Variants in CUBN observed in about 807,000 individuals in gnomAD.
The protein encoded by CUBN is 460 kDa receptor.
CUBN carries 282 observed loss-of-function variants against 405.3 expected under a neutral mutation model. The observed-to-expected ratio is 0.70, with a 90% confidence interval of 0.63 to 0.77. CUBN has a LOEUF of 0.77. CUBN is among the 30% of genes least tolerant of loss of function. The pLI is 0.00. For synonymous variants in CUBN, 1,684 were observed against 1,617.0 expected (o/e 1.04, Z -0.99); for missense variants, 4,514 against 4,475.2 (o/e 1.01, Z -0.25).
chr10:17,008,640 T>C (rs551339418), intron 28 of CUBN, among the ~76,000 whole-genome samples: 2 of 152,014 alleles, frequency 1.3e-5, no homozygotes, highest in Non-Finnish European at 2.9e-5. Flanking sequence ...CCTAGTTAAC[T>C]CCTGCTTATT....
chr10:16,917,542 T>G (rs1220806614), intron 45 of CUBN, among the ~76,000 whole-genome samples: 3 of 152,178 alleles, frequency 2.0e-5, no homozygotes, highest in Non-Finnish European at 4.4e-5. Context: ...TTTTTGGGCC[T>G]CTGTTTACCA....
At chr10:16,889,141 A>G (rs1840915842) in intron 55 of CUBN, among the ~76,000 whole-genome samples, 1 of 152,180 alleles carries the variant, frequency 6.6e-6, no homozygotes, top group Admixed American at 6.5e-5. Context: ...TTTTCATATA[A>G]CCATTGACTA....
intron 56 of CUBN, among the ~76,000 whole-genome samples, chr10:16,887,088 T>C (rs1340352949): frequency 6.6e-6 from 1 of 152,240 alleles, no homozygotes; most frequent in Admixed American, 6.5e-5. Context: ...GTGCCCAGCC[T>C]ATATTAATTT....
At chr10:16,870,394 C>T (rs78328490) in intron 58 of CUBN, among the ~76,000 whole-genome samples, 2,159 of 152,240 alleles carry the variant, frequency 0.014, 43 homozygotes, top group African/African-American at 0.049. Flanking sequence ...AGGTGAAGAA[C>T]AGGAAATTTA....
At chr10:17,077,745 A>T (rs1383083088) in intron 17 of CUBN, among the ~76,000 whole-genome samples, 1 of 152,108 alleles carries the variant, frequency 6.6e-6, no homozygotes, top group East Asian at 1.9e-4. Flanking sequence ...GCAGGAGAGG[A>T]ATGAGGCCCT....
intron 39 of CUBN, among the ~76,000 whole-genome samples, chr10:16,937,065 C>A (rs1169487179): frequency 3.3e-5 from 5 of 152,024 alleles, no homozygotes; most frequent in Admixed American, 6.6e-5. Context: ...AATGCTAGCT[C>A]AATATCACTT....
chr10:16,892,390 C>T (rs1841057939), intron 54 of CUBN, among the ~76,000 whole-genome samples: 1 of 152,036 alleles, frequency 6.6e-6, no homozygotes, highest in African/African-American at 2.4e-5. Context: ...AATTAGATTT[C>T]CCCCTAATAA....
At chr10:17,106,182 G>A (rs544591388) in intron 10 of CUBN, among the ~76,000 whole-genome samples, 5 of 152,248 alleles carry the variant, frequency 3.3e-5, no homozygotes, top group East Asian at 1.9e-4. Flanking sequence ...CTACTTGGGA[G>A]GGTGAGGCAG....
chr10:16,849,742 T>G (rs1293059577), intron 60 of CUBN, among the ~76,000 whole-genome samples: 1 of 152,188 alleles, frequency 6.6e-6, no homozygotes, highest in South Asian at 2.1e-4. Context: ...GGTCTAAGAC[T>G]GACCTTCTCA....
chr10:17,073,118 A>G (rs1187882229), intron 17 of CUBN, among the ~76,000 whole-genome samples: 1 of 152,162 alleles, frequency 6.6e-6, no homozygotes, highest in African/African-American at 2.4e-5. Context: ...GAACGCTGTT[A>G]CCAAATCCCA....
chr10:16,849,822 A>G (rs1470253630), intron 60 of CUBN, among the ~76,000 whole-genome samples: 3 of 152,058 alleles, frequency 2.0e-5, no homozygotes, highest in African/African-American at 7.2e-5. Context: ...TGCTGATTTC[A>G]GGTTAGTCTT....
At chr10:17,126,968 C>A (rs892301166) in intron 3 of CUBN, among the ~76,000 whole-genome samples, 169 bp from the exon 4 acceptor site, 1 of 151,970 alleles carries the variant, frequency 6.6e-6, no homozygotes, top group African/African-American at 2.4e-5. Context: ...GATTTTCTTC[C>A]TTCCTATTCC....
intron 4 of CUBN, 115 bp from the exon 5 acceptor site, chr10:17,123,804 C>T (rs1317550703): frequency 2.9e-6 from 2 of 701,012 alleles, no homozygotes; most frequent in East Asian, 5.4e-5. Context: ...TCTCCTTCTA[C>T]ACTTTAAAGC....
In CUBN at chr10:17,100,008, G is replaced by A; in HGVS notation, c.1762C>T (p.Pro588Ser). The change falls in exon 14 of 67, where the codon CCA becomes TCA. Residue 588 changes from proline to serine, a missense_variant. Transcript: ENST00000377833. ...GFTVRWETQQ[P>S]ECGGILTGPY... is the part of the protein sequence containing the mutation. ...TTTTCTCCAGGTTCACACATACCTG[G>A]TTGCTGTGTTTCCCATCTTACTGTA... is the stretch of plus-strand genomic sequence containing the variant. 1 of 1,608,084 alleles carries A rather than the reference G, an allele frequency of 6.2e-7. No individual in the cohort carries two copies. The highest frequency in any genetic ancestry group is 8.5e-7 in the Non-Finnish European group (1 of 1,174,684).
intron 40 of CUBN, among the ~76,000 whole-genome samples, chr10:16,930,908 A>G (rs1564430321): frequency 6.6e-6 from 1 of 152,170 alleles, no homozygotes; most frequent in Non-Finnish European, 1.5e-5. Context: ...TGCTTCTGCT[A>G]CTCAGAAGCA....
At chr10:16,971,754 A>T (rs1287963300) in intron 31 of CUBN, among the ~76,000 whole-genome samples, 3 of 152,032 alleles carry the variant, frequency 2.0e-5, no homozygotes, top group Non-Finnish European at 4.4e-5. Flanking sequence ...TGGCTCTCAC[A>T]TTCAGCTGCT....
intron 27 of CUBN, among the ~76,000 whole-genome samples, chr10:17,030,999 C>A (rs1229062878): frequency 6.6e-6 from 1 of 152,036 alleles, no homozygotes; most frequent in East Asian, 1.9e-4. Flanking sequence ...TAGAGAGTAA[C>A]CAAAACAATT....
Position 16,836,138 on chromosome 10 carries a change from C to T in CUBN, c.10180+97G>A, listed in dbSNP as rs868416033. 7.2e-5 allele frequency: 88 copies of T among 1,228,520 alleles called. No homozygotes were observed. The African/African-American group carries it at 1.1e-3, about 15-fold the overall frequency. The allele number at this position is 1,228,520 out of a possible 1,614,324, so 76.1% of individuals were successfully genotyped here. Reference sequence around the variant, plus strand: ...GTTTTTGTTAACAAATCCTAATTTACTCACAGGAGTCAATTCTAGAAATAA... The same window carrying T: ...GTTTTTGTTAACAAATCCTAATTTATTCACAGGAGTCAATTCTAGAAATAA... On this transcript the variant is annotated intron_variant, in intron 63 of 66. Transcript: ENST00000377833.
rs558119758 is a variant in CUBN, at chr10:17,068,733, T to C, written c.2663A>G (p.Lys888Arg). The C allele has an allele frequency of 1.2e-5, 19 of 1,612,832 alleles. No homozygotes were observed. In the South Asian group the frequency reaches 2.1e-4, roughly 18 times the overall value. Residue 888 changes from lysine to arginine, a missense_variant, in exon 20 of 67, where the codon AAA becomes AGA. Coordinates refer to ENST00000377833, the MANE Select transcript of CUBN (RefSeq NM_001081.4). ...SSSILGSPEN[K>R]KYCGTDIPSF... ...AGGTATGTCTGTACCGCAATACTTT[T>C]TATTTTCAGGAGAACCCAAAATGGA...
Sources: allele counts gnomAD v4.1 joint callset (sites outside exome capture counted in the v4.1 genomes callset), GRCh38; gene constraint gnomAD v4.1.1; transcripts MANE v1.5; gene names NCBI Gene and HGNC (gene_info 2026-07-23, HGNC 2026-07-21).